The following WRN variants were observed in gnomAD, a reference collection of about 807,000 sequenced individuals.
WRN encodes the protein WRN RecQ like helicase.
WRN carries 149 observed loss-of-function variants against 180.7 expected under a neutral mutation model. That is an observed-to-expected ratio of 0.82 (90% confidence interval 0.72 to 0.94). The LOEUF is 0.94. Among genes scored for constraint, WRN ranks in the 40% least tolerant of loss-of-function variants. WRN has a pLI of 0.00. For synonymous variants in WRN, 548 were observed against 568.9 expected (o/e 0.96, Z 0.52); for missense variants, 1,661 against 1,700.1 (o/e 0.98, Z 0.40).
intron 18 of WRN, among the ~76,000 whole-genome samples, chr8:31,104,829 G>A (rs991226849): frequency 2.0e-5 from 3 of 152,066 alleles, no homozygotes; most frequent in Admixed American, 6.6e-5. Context: ...CTATTTCTGG[G>A]TTCTCTAGCC....
intron 7 of WRN, among the ~76,000 whole-genome samples, chr8:31,073,078 G>A: frequency 6.6e-6 from 1 of 152,178 alleles, no homozygotes; most frequent in Non-Finnish European, 1.5e-5. Context: ...AAATAAATAC[G>A]ATGATGGGTG....
At chr8:31,169,204 A>C (rs1347466489) in intron 34 of WRN, among the ~76,000 whole-genome samples, 1 of 150,708 alleles carries the variant, frequency 6.6e-6, no homozygotes, top group Non-Finnish European at 1.5e-5. Context: ...TTTCTCTTTA[A>C]ATTTTTTTCT....
At chr8:31,117,449 T>A (rs995901861) in intron 20 of WRN, among the ~76,000 whole-genome samples, 1 of 152,168 alleles carries the variant, frequency 6.6e-6, no homozygotes, top group African/African-American at 2.4e-5. Flanking sequence ...ATGCAGCTAT[T>A]GTGAAATTCT....
At position 31,059,275 on chromosome 8, in the gene WRN, T is replaced by G; in HGVS notation, c.209+10T>G. On this transcript the variant is annotated intron_variant, in intron 3 of 34. Coordinates refer to ENST00000298139, the MANE Select transcript of WRN (RefSeq NM_000553.6). ...TGTCAGAAGATATTAGGTAAGTGATTTGAATTTCCTGATTTTATTTGAATT... is the reference window on the plus strand; with the variant it reads ...TGTCAGAAGATATTAGGTAAGTGATGTGAATTTCCTGATTTTATTTGAATT... 6.3e-7 allele frequency: 1 copy of G among 1,599,596 alleles called. No individual in the cohort carries two copies. Among genetic ancestry groups the G allele is most frequent in the Non-Finnish European group, 8.6e-7 (1 of 1,167,012 alleles).
rs780068269 is a variant in WRN, at chr8:31,064,913, A to G, written c.356-2A>G. The G allele has an allele frequency of 1.2e-6, 2 of 1,613,326 alleles. No individual in the cohort carries two copies. Among genetic ancestry groups the G allele is most frequent in the African/African-American group, 1.3e-5 (1 of 74,916 alleles). ...TATGGAAATAACAAGAAAATGTTAC[A>G]GTTTTTCCCCAGGGATTAAAAATGT... is the stretch of plus-strand genomic sequence containing the variant. On this transcript the variant is annotated splice_acceptor_variant, in intron 4 of 34. Coordinates refer to ENST00000298139, the MANE Select transcript of WRN (RefSeq NM_000553.6). LOFTEE classifies it high-confidence loss of function.
intron 1 of WRN, among the ~76,000 whole-genome samples, chr8:31,041,440 C>T (rs1256808841): frequency 2.0e-5 from 3 of 152,218 alleles, no homozygotes; most frequent in Non-Finnish European, 4.4e-5. Flanking sequence ...GTTAGTCTCA[C>T]CCAGAAACAT....
chr8:31,136,965 C>T (rs1802423589), intron 24 of WRN, among the ~76,000 whole-genome samples: 1 of 151,968 alleles, frequency 6.6e-6, no homozygotes, highest in Non-Finnish European at 1.5e-5. Context: ...ATTAACTAAA[C>T]ACTTAAACAA....
intron 16 of WRN, among the ~76,000 whole-genome samples, chr8:31,095,438 G>C (rs1312545650): frequency 1.3e-5 from 2 of 152,060 alleles, no homozygotes; most frequent in Non-Finnish European, 2.9e-5. Context: ...TTGTCGATTC[G>C]TTCTTTTAGG....
rs1449622374 is a variant in WRN at position 31,173,222 on chromosome 8, C to T, written c.*120C>T. On this transcript the variant is annotated 3_prime_UTR_variant, in exon 35 of 35. Transcript: ENST00000298139. ...AAAATCATTCTAATTACAAAGTTCACTGTTTATTGAAGAACTGGCATCTTA... is the reference window on the plus strand; with the variant it reads ...AAAATCATTCTAATTACAAAGTTCATTGTTTATTGAAGAACTGGCATCTTA... The T allele has an allele frequency of 1.0e-6, 1 of 1,002,062 alleles. No homozygotes were observed. Among genetic ancestry groups the T allele is most frequent in the Non-Finnish European group, 1.5e-6 (1 of 656,360 alleles). The allele number at this position is 1,002,062 out of a possible 1,614,324, so 62.1% of individuals were successfully genotyped here.
intron 31 of WRN, among the ~76,000 whole-genome samples, chr8:31,152,348 A>G (rs1033647399): frequency 1.3e-5 from 2 of 151,964 alleles, no homozygotes; most frequent in Admixed American, 6.6e-5. Context: ...AAAAAAGACT[A>G]TATGAACATG....
chr8:31,076,218 T>C lies in WRN; in HGVS notation c.770T>C (p.Ile257Thr). 6.2e-7 allele frequency: 1 copy of C among 1,613,938 alleles called. No homozygotes were observed. The highest frequency in any genetic ancestry group is 8.5e-7 in the Non-Finnish European group (1 of 1,179,920). The change falls in exon 8 of 35, where the codon ATC (isoleucine) becomes ACC (threonine). Residue 257 changes from isoleucine (I) to threonine (T), a missense_variant. Physicochemically the swap from Ile to Thr is moderately conservative, Grantham distance 89. This residue lies in a region of WRN where 500 missense variants were observed against 504.1 expected (regional missense o/e 0.99). Transcript: ENST00000298139. Reference protein sequence around the residue: ...LSDMNKQLTSISEEVMDLAKH... With the variant: ...LSDMNKQLTSTSEEVMDLAKH... ...GACATGAACAAACAGTTGACTTCAA[T>C]CTCTGAGGAAGTGATGGATCTGGCT...
At chr8:31,127,647 C>T (rs563820891) in intron 23 of WRN, among the ~76,000 whole-genome samples, 1 of 152,058 alleles carries the variant, frequency 6.6e-6, no homozygotes, top group East Asian at 1.9e-4. Flanking sequence ...TGCGGTGGCT[C>T]ACACTTGTAG....
intron 3 of WRN, among the ~76,000 whole-genome samples, chr8:31,062,672 C>T (rs988510486): frequency 7.9e-5 from 12 of 152,096 alleles, no homozygotes; most frequent in Non-Finnish European, 1.2e-4. Flanking sequence ...CTTGGCCCCC[C>T]AAAGTGCTGG....
intron 32 of WRN, among the ~76,000 whole-genome samples, chr8:31,155,875 C>T (rs1803366579): frequency 1.3e-5 from 2 of 152,138 alleles, no homozygotes; most frequent in South Asian, 4.1e-4. Flanking sequence ...TGTTACACAC[C>T]TCTTGTTCAG....
At chr8:31,079,486 T>C (rs1444071686) in intron 8 of WRN, among the ~76,000 whole-genome samples, 1 of 152,220 alleles carries the variant, frequency 6.6e-6, no homozygotes, top group African/African-American at 2.4e-5. Flanking sequence ...AGTACTTTAA[T>C]AAGCTCTACA....
chr8:31,047,924 G>A (rs943051611), intron 1 of WRN, among the ~76,000 whole-genome samples: 10 of 152,166 alleles, frequency 6.6e-5, no homozygotes, highest in African/African-American at 2.4e-4. Flanking sequence ...TGATGTTCCT[G>A]GTTTATGGGC....
chr8:31,162,850 A>G (rs1288167995), intron 33 of WRN, among the ~76,000 whole-genome samples: 1 of 152,188 alleles, frequency 6.6e-6, no homozygotes, highest in Non-Finnish European at 1.5e-5. Flanking sequence ...GCTTTGGCAC[A>G]CTGGTAATAG....
At chr8:31,049,570 A>AG (rs1765970132) in intron 1 of WRN, among the ~76,000 whole-genome samples, 3 of 109,762 alleles carry the variant, frequency 2.7e-5, no homozygotes, top group South Asian at 2.8e-4. Flanking sequence ...AGTGAGGTCC[A>AG]ATGGGTCAGA....
rs1457780792 is a variant in WRN, at chr8:31,173,860, G to A, written c.*758G>A. 1 of 152,220 alleles carries A rather than the reference G, an allele frequency of 6.6e-6. No homozygotes were observed. Among genetic ancestry groups the A allele is most frequent in the East Asian group, 1.9e-4 (1 of 5,206 alleles). 9.4% of individuals were successfully genotyped at this position (152,220 alleles called of 1,614,324 possible). On this transcript the variant is annotated 3_prime_UTR_variant, in exon 35 of 35. Transcript: ENST00000298139. ...TTCTAATCTCTCTTATGTAGCACAT[G>A]TGACTTAATTTAAAACCTATACTGT... is the stretch of plus-strand genomic sequence containing the variant.
Sources: gnomAD v4.1 joint callset for allele counts (sites outside exome capture counted in the v4.1 genomes callset) on GRCh38, gnomAD v4.1.1 for gene constraint, gnomAD v4.1.1 regional missense constraint, MANE v1.5 for transcripts, NCBI Gene and HGNC (gene_info 2026-07-23, HGNC 2026-07-21) for gene names.